The following TRAF6 variants were observed in gnomAD, a reference collection of about 807,000 sequenced individuals.
The protein encoded by TRAF6 is TNF receptor associated factor 6.
TRAF6 carries 10 observed loss-of-function variants against 48.4 expected under a neutral mutation model. The observed-to-expected ratio is 0.21, with a 90% confidence interval of 0.13 to 0.35. The LOEUF (loss-of-function observed/expected upper bound fraction) is 0.35, where lower values mean the gene tolerates loss of function less well. TRAF6 is among the 10% of genes least tolerant of loss of function. The probability of loss-of-function intolerance (pLI) is 1.00; values close to 1 mark genes in which losing one functional copy is unlikely to be tolerated. For synonymous variants in TRAF6, 186 were observed against 219.6 expected, an observed-to-expected ratio of 0.85 and a Z score of 1.35; for missense variants, 397 against 661.0, an observed-to-expected ratio of 0.60 and a Z score of 4.38.
At chr11:36,509,094 C>G (rs4755453) in intron 1 of TRAF6, among the ~76,000 whole-genome samples, 110,705 of 152,122 alleles carry the variant, frequency 0.73, 42,755 homozygotes, top group East Asian at 0.87. Flanking sequence ...CCCTAGTAAT[C>G]AAAGGAGAAT....
chr11:36,488,979 G>C lies in TRAF6; in HGVS notation c.*859C>G, dbSNP rs1859525353. 1 of 152,168 alleles carries C rather than the reference G, an allele frequency of 6.6e-6. No individual in the cohort carries two copies. 9.4% of individuals were successfully genotyped at this position (152,168 alleles called of 1,614,324 possible). A position where few individuals can be genotyped will look rare whatever the true frequency, so the allele number is the denominator to read the frequency against. The stretch of plus-strand genomic sequence containing the variant: ...TTTTTATGTTGCTGATTGTATGTGT[G>C]CATCTCCTGTCTTGTAAGCATTAAA... On this transcript the variant is annotated 3_prime_UTR_variant, in exon 7 of 7. Coordinates refer to ENST00000526995, the MANE Select transcript of TRAF6 (RefSeq NM_004620.4).
intron 3 of TRAF6, 70 bp downstream of exon 3, chr11:36,498,420 C>G (rs1859669272): frequency 1.4e-6 from 2 of 1,452,004 alleles, no homozygotes; most frequent in African/African-American, 2.8e-5. Context: ...CAGATGGACA[C>G]AGCAAAGTCC....
At chr11:36,506,697 C>T (rs1859789314) in intron 1 of TRAF6, among the ~76,000 whole-genome samples, 1 of 152,126 alleles carries the variant, frequency 6.6e-6, no homozygotes, top group African/African-American at 2.4e-5. Flanking sequence ...AGTTATAATT[C>T]CTTAAAAGGA....
Position 36,487,706 on chromosome 11 carries a change from C to T in TRAF6, c.*2132G>A, listed in dbSNP as rs1435239371. ...AAGCTTGCTAAAAGCTGAAATTAGG[C>T]AAAACAACTTTTTTTTTTAATAAAG... On this transcript the variant is annotated 3_prime_UTR_variant, in exon 7 of 7. Coordinates refer to ENST00000526995, the MANE Select transcript of TRAF6 (RefSeq NM_004620.4). 1.3e-5 allele frequency: 2 copies of T among 151,516 alleles called. No homozygotes were observed. The highest frequency in any genetic ancestry group is 2.9e-5 in the Non-Finnish European group (2 of 67,932). The allele number at this position is 151,516 out of a possible 1,614,324, so 9.4% of individuals were successfully genotyped here.
At chr11:36,507,773 TAC>T (rs545690664) in intron 1 of TRAF6, among the ~76,000 whole-genome samples, 100 of 141,770 alleles carry the variant, frequency 7.1e-4, no homozygotes, top group Non-Finnish European at 1.3e-3. Context: ...TATAAACATA[TAC>T]AAATATATGT....
chr11:36,497,078 T>G, intron 4 of TRAF6, 30 bp downstream of exon 4: 1 of 1,606,570 alleles, frequency 6.2e-7, no homozygotes, highest in East Asian at 2.2e-5. Context: ...TAAGAAGTAG[T>G]GAATTTAACA....
At chr11:36,491,518 G>C (rs1158343972) in intron 6 of TRAF6, among the ~76,000 whole-genome samples, 2 of 151,534 alleles carry the variant, frequency 1.3e-5, no homozygotes, top group Non-Finnish European at 2.9e-5. Context: ...ACATAAGTCA[G>C]GGAAAAAAAA....
In TRAF6 at chr11:36,486,855, G is replaced by A. The variant is rs1859491695; in HGVS notation, c.*2983C>T. On this transcript the variant is annotated 3_prime_UTR_variant, in exon 7 of 7. Coordinates refer to ENST00000526995, the MANE Select transcript of TRAF6 (RefSeq NM_004620.4). ...TGTAATCCCAGCACTTTGGGAGGCTGAGGCGGGCGGATCATCTGAGGTCAG... is the reference window on the plus strand; with the variant it reads ...TGTAATCCCAGCACTTTGGGAGGCTAAGGCGGGCGGATCATCTGAGGTCAG... Among the ~76,000 whole-genome samples the A allele has an allele frequency of 6.6e-6, 1 of 152,132 alleles. No individual in the cohort carries two copies. The highest frequency in any genetic ancestry group is 6.5e-5 in the Admixed American group (1 of 15,284).
chr11:36,489,862 T>C lies in TRAF6; in HGVS notation c.1545A>G (p.Pro515=). 6.2e-7 allele frequency: 1 copy of C among 1,614,000 alleles called. No homozygotes were observed. Among genetic ancestry groups the C allele is most frequent in the Non-Finnish European group, 8.5e-7 (1 of 1,179,880 alleles). The part of the protein sequence containing the change: ...MGSLRREGFQ[P]RSTDAGV ...GCTATACCCCTGCATCAGTACTTCG[T>C]GGCTGAAAACCCTCCCTCCGAAGGC... The change falls in exon 7 of 7, where the codon CCA becomes CCG. Residue 515 remains proline, a synonymous_variant. Transcript: ENST00000526995.
chr11:36,503,109 C>T (rs1678018313), intron 1 of TRAF6, among the ~76,000 whole-genome samples: 1 of 152,150 alleles, frequency 6.6e-6, no homozygotes, highest in Admixed American at 6.5e-5. Context: ...CTTTGTAATA[C>T]ACTACTTTTA....
Position 36,492,545 on chromosome 11 carries a change from C to A in TRAF6, c.756+6G>T. On this transcript the variant is annotated splice_donor_region_variant and intron_variant, in intron 6 of 6. Coordinates refer to ENST00000526995, the MANE Select transcript of TRAF6 (RefSeq NM_004620.4). ...ATTCAAGAATTAAAAGAAAAAAAAA[C>A]CTTACCTTTTCATGGCAACCAAAAG... 6.3e-7 allele frequency: 1 copy of A among 1,598,394 alleles called. No individual in the cohort carries two copies.
rs2133660629 is a variant in TRAF6 at position 36,486,699 on chromosome 11, C to T, written c.*3139G>A. On this transcript the variant is annotated 3_prime_UTR_variant, in exon 7 of 7. Transcript: ENST00000526995. ...GTAGTATACCAATAAACAGTCTTTGCTGCCAATAGATAGTAATAAACTACC... is the reference window on the plus strand; with the variant it reads ...GTAGTATACCAATAAACAGTCTTTGTTGCCAATAGATAGTAATAAACTACC... 6.6e-6 allele frequency among the ~76,000 whole-genome samples: 1 copy of T among 152,254 alleles called. No homozygotes were observed. Among genetic ancestry groups the T allele is most frequent in the Admixed American group, 6.5e-5 (1 of 15,308 alleles).
At chr11:36,493,091 C>T (rs559676810) in intron 5 of TRAF6, among the ~76,000 whole-genome samples, 30 of 152,298 alleles carry the variant, frequency 2.0e-4, no homozygotes, top group African/African-American at 7.0e-4. Flanking sequence ...CAACAATCTT[C>T]TTAACTTTTG....
chr11:36,492,400 C>A, intron 6 of TRAF6, 151 bp downstream of exon 6: 1 of 670,212 alleles, frequency 1.5e-6, no homozygotes, highest in Non-Finnish European at 2.5e-6. Context: ...TATGCCTTTG[C>A]TTCTGCTCAC....
chr11:36,508,185 G>A (rs1229327107), intron 1 of TRAF6, among the ~76,000 whole-genome samples: 1 of 151,866 alleles, frequency 6.6e-6, no homozygotes, highest in Non-Finnish European at 1.5e-5. Flanking sequence ...GTATACTTAC[G>A]TGGCTTTCTA....
chr11:36,506,903 A>G (rs533669688), intron 1 of TRAF6, among the ~76,000 whole-genome samples: 1 of 152,136 alleles, frequency 6.6e-6, no homozygotes, highest in Non-Finnish European at 1.5e-5. Context: ...AGGGAAAATT[A>G]AGTTAAAAAC....
At position 36,488,086 on chromosome 11, in the gene TRAF6, T is replaced by A. The variant is rs1859510848; in HGVS notation, c.*1752A>T. 6.6e-6 allele frequency: 1 copy of A among 152,170 alleles called. No homozygotes were observed. The highest frequency in any genetic ancestry group is 6.5e-5 in the Admixed American group (1 of 15,278). The allele number at this position is 152,170 out of a possible 1,614,324, so 9.4% of individuals were successfully genotyped here. ...CAATTATTTATTCATTGTAAAATAA[T>A]CACAGGAACAGCAGCAGTGTAGGTT... On this transcript the variant is annotated 3_prime_UTR_variant, in exon 7 of 7. Transcript: ENST00000526995.
intron 6 of TRAF6, 128 bp downstream of exon 6, chr11:36,492,423 T>A: frequency 1.3e-6 from 1 of 776,496 alleles, no homozygotes; most frequent in South Asian, 1.7e-5. Flanking sequence ...CATCCATGAA[T>A]AACTCTATTA....
chr11:36,491,686 C>T (rs921426385), intron 6 of TRAF6, among the ~76,000 whole-genome samples: 14 of 151,976 alleles, frequency 9.2e-5, no homozygotes, highest in Non-Finnish European at 1.8e-4. Flanking sequence ...TCATCTGTTT[C>T]TTATACTGTT....
Sources: allele counts gnomAD v4.1 joint callset (sites outside exome capture counted in the v4.1 genomes callset), GRCh38; gene constraint gnomAD v4.1.1; transcripts MANE v1.5; gene names NCBI Gene and HGNC (gene_info 2026-07-23, HGNC 2026-07-21).